LRRC4C: variants seen among roughly 807,000 people sequenced by gnomAD.
The protein encoded by LRRC4C is leucine rich repeat containing 4C.
A neutral mutation model predicts 33.6 loss-of-function variants in LRRC4C; 5 were observed. The ratio of observed to expected loss-of-function variants is 0.15; its 90% confidence interval spans 0.08 to 0.31. The LOEUF is 0.31. Among genes scored for constraint, LRRC4C ranks in the 10% least tolerant of loss-of-function variants. The pLI, the probability that LRRC4C is intolerant of heterozygous loss-of-function variation, is 1.00. For synonymous variants in LRRC4C, 329 were observed against 302.0 expected, an observed-to-expected ratio of 1.09 and a Z score of -0.93; for missense variants, 560 against 796.7, an observed-to-expected ratio of 0.70 and a Z score of 3.58.
intron 3 of LRRC4C, among the ~76,000 whole-genome samples, chr11:40,397,572 T>C (rs915461756): frequency 2.0e-5 from 3 of 152,068 alleles, no homozygotes; most frequent in African/African-American, 7.2e-5. Context: ...TGTTGACAAA[T>C]TGGAGGGTCA....
intron 4 of LRRC4C, among the ~76,000 whole-genome samples, chr11:40,247,575 A>C (rs1452483651): frequency 6.6e-6 from 1 of 152,130 alleles, no homozygotes; most frequent in Admixed American, 6.5e-5. Context: ...ACACAGAGAA[A>C]GTTTTTGGGG....
rs143858149 is a variant in LRRC4C at position 40,155,923 on chromosome 11, T to C, written c.-95-15070A>G. 3.6e-3 allele frequency among the ~76,000 whole-genome samples: 554 copies of C among 152,102 alleles called. 6 individuals are homozygous for C. The highest frequency in any genetic ancestry group is 0.012 in the African/African-American group (510 of 41,554). On this transcript the variant is annotated intron_variant, in intron 5 of 6. Transcript: ENST00000528697. Reference sequence around the variant, plus strand: ...AAAAAGAAAACTACAGACTGATATCTTTCATGAATATAGATGCTAAAATCC... The same window carrying C: ...AAAAAGAAAACTACAGACTGATATCCTTCATGAATATAGATGCTAAAATCC...
intron 2 of LRRC4C, among the ~76,000 whole-genome samples, chr11:40,726,180 AT>A (rs1947284964): frequency 2.0e-5 from 3 of 150,354 alleles, no homozygotes; most frequent in Admixed American, 6.6e-5. Flanking sequence ...AAAAAAAAAA[AT>A]TCCTGGACCA....
chr11:40,510,235 T>C (rs1955246321), intron 3 of LRRC4C, among the ~76,000 whole-genome samples: 1 of 149,334 alleles, frequency 6.7e-6, no homozygotes. Flanking sequence ...CTCATATATA[T>C]ATATTTCTTA....
chr11:40,783,269 T>G (rs1337262466), intron 2 of LRRC4C, among the ~76,000 whole-genome samples: 3 of 146,986 alleles, frequency 2.0e-5, no homozygotes, highest in Non-Finnish European at 4.4e-5. Flanking sequence ...AAGTGAGCAC[T>G]GTTTTATTTT....
chr11:40,257,073 T>A (rs766794157), intron 4 of LRRC4C, among the ~76,000 whole-genome samples: 3 of 152,130 alleles, frequency 2.0e-5, no homozygotes, highest in South Asian at 2.1e-4. Flanking sequence ...GGCTCTTGTA[T>A]TTTGAAGGGC....
rs904178787 is a variant in LRRC4C, at chr11:40,688,371, G to C, written c.-406-40093C>G. 5.3e-5 allele frequency among the ~76,000 whole-genome samples: 8 copies of C among 152,206 alleles called. No homozygotes were observed. The East Asian group carries it at 1.5e-3, about 29-fold the overall frequency. On this transcript the variant is annotated intron_variant, in intron 2 of 6. Transcript: ENST00000528697. Reference sequence around the variant, plus strand: ...GTAAAGGACACAACAAACTTCTAAAGAACAAGAAAAAGACTTGTTTTTCCC... The same window carrying C: ...GTAAAGGACACAACAAACTTCTAAACAACAAGAAAAAGACTTGTTTTTCCC...
chr11:40,856,238 T>G (rs1953775131), intron 2 of LRRC4C, among the ~76,000 whole-genome samples: 1 of 152,216 alleles, frequency 6.6e-6, no homozygotes, highest in African/African-American at 2.4e-5. Flanking sequence ...AATCTAGATA[T>G]AAATCTGTTT....
At chr11:40,263,906 T>G (rs1448034913) in intron 4 of LRRC4C, among the ~76,000 whole-genome samples, 1 of 152,130 alleles carries the variant, frequency 6.6e-6, no homozygotes, top group Non-Finnish European at 1.5e-5. Context: ...GATGACAACA[T>G]AGAAGGAGCC....
At chr11:41,231,922 T>C (rs1391276597) in intron 1 of LRRC4C, among the ~76,000 whole-genome samples, 3 of 151,870 alleles carry the variant, frequency 2.0e-5, no homozygotes, top group African/African-American at 7.3e-5. Flanking sequence ...TAGGACAAAG[T>C]CCAAACTCTA....
At chr11:41,041,142 A>G (rs1213229375) in intron 1 of LRRC4C, among the ~76,000 whole-genome samples, 3 of 152,112 alleles carry the variant, frequency 2.0e-5, no homozygotes, top group African/African-American at 4.8e-5. Flanking sequence ...TGTACAAGCA[A>G]CTCTTGTTCC....
chr11:40,238,824 G>A (rs1183593645), intron 5 of LRRC4C, among the ~76,000 whole-genome samples: 1 of 152,056 alleles, frequency 6.6e-6, no homozygotes. Flanking sequence ...TGCTAAGGAG[G>A]TATGTTTATA....
chr11:40,698,224 AC>A (rs1008762796), intron 2 of LRRC4C, among the ~76,000 whole-genome samples: 10 of 152,098 alleles, frequency 6.6e-5, no homozygotes, highest in African/African-American at 2.2e-4. Context: ...CAAGGAAATG[AC>A]CCCTTTGCCT....
At chr11:41,165,902 G>T (rs1368995969) in intron 1 of LRRC4C, among the ~76,000 whole-genome samples, 1 of 151,904 alleles carries the variant, frequency 6.6e-6, no homozygotes, top group Non-Finnish European at 1.5e-5. Flanking sequence ...ATGGTGGTGG[G>T]TGCCTGTAAT....
chr11:41,234,425 T>C (rs1296484651), intron 1 of LRRC4C, among the ~76,000 whole-genome samples: 1 of 152,042 alleles, frequency 6.6e-6, no homozygotes, highest in Non-Finnish European at 1.5e-5. Context: ...AGGAATATGT[T>C]ATTATTAACT....
intron 2 of LRRC4C, among the ~76,000 whole-genome samples, chr11:40,906,127 G>T (rs1385340018): frequency 6.6e-6 from 1 of 152,164 alleles, no homozygotes; most frequent in Non-Finnish European, 1.5e-5. Context: ...ATTAACACTT[G>T]CTAAAAGCTT....
At chr11:41,050,805 T>A (rs1419696109) in intron 1 of LRRC4C, among the ~76,000 whole-genome samples, 2 of 152,182 alleles carry the variant, frequency 1.3e-5, no homozygotes, top group African/African-American at 4.8e-5. Context: ...CTGGGTCAAA[T>A]GGTACTTCTA....
At chr11:41,092,135 A>G (rs1245766597) in intron 1 of LRRC4C, among the ~76,000 whole-genome samples, 4 of 152,150 alleles carry the variant, frequency 2.6e-5, no homozygotes, top group Non-Finnish European at 5.9e-5. Flanking sequence ...TATTTTTTGT[A>G]GGCTAGAAAT....
At position 40,619,660 on chromosome 11, in the gene LRRC4C, C is replaced by T. The variant is rs141145497; in HGVS notation, c.-270+28482G>A. Among the ~76,000 whole-genome samples, 612 of 151,786 alleles carry T rather than the reference C, an allele frequency of 4.0e-3. 2 individuals carry two copies. Among genetic ancestry groups the T allele is most frequent in the Middle Eastern group, 0.017 (5 of 294 alleles). Reference sequence around the variant, plus strand: ...GATCAATTTTTGCCTTCCCCTACTGCAGCCTCCTTAGTGTTTACGACCTAT... The same window carrying T: ...GATCAATTTTTGCCTTCCCCTACTGTAGCCTCCTTAGTGTTTACGACCTAT... On this transcript the variant is annotated intron_variant, in intron 3 of 6. Transcript: ENST00000528697.
Sources: gnomAD v4.1 joint callset for allele counts (sites outside exome capture counted in the v4.1 genomes callset) on GRCh38, gnomAD v4.1.1 for gene constraint, MANE v1.5 for transcripts, NCBI Gene and HGNC (gene_info 2026-07-23, HGNC 2026-07-21) for gene names.